The following KIAA0232 variants were observed in gnomAD, a reference collection of about 807,000 sequenced individuals.
KIAA0232 encodes KIAA0232.
Under a neutral mutation model 122.0 loss-of-function variants are expected in KIAA0232, and 27 were observed. That is an observed-to-expected ratio of 0.22 (90% CI 0.16 to 0.31). The LOEUF (loss-of-function observed/expected upper bound fraction) is 0.31. Among genes scored for constraint, KIAA0232 ranks in the 10% least tolerant of loss-of-function variants. KIAA0232 has a pLI of 1.00. For synonymous variants in KIAA0232, 613 were observed against 587.6 expected (o/e 1.04, Z -0.63); for missense variants, 1,551 against 1,634.2 (o/e 0.95, Z 0.88).
intron 4 of KIAA0232, among the ~76,000 whole-genome samples, chr4:6,848,996 T>C (rs1720126480): frequency 6.6e-6 from 1 of 152,216 alleles, no homozygotes; most frequent in African/African-American, 2.4e-5. Flanking sequence ...CGGGCCATGC[T>C]AGGGACTTGG....
At chr4:6,849,015 C>T (rs1391996852) in intron 4 of KIAA0232, among the ~76,000 whole-genome samples, 1 of 152,282 alleles carries the variant, frequency 6.6e-6, no homozygotes, top group South Asian at 2.1e-4. Flanking sequence ...GGGCTTTTCC[C>T]CTGAGCAGCT....
chr4:6,880,766 T>G, intron 9 of KIAA0232, 21 bp from the exon 10 acceptor site: 1 of 1,488,316 alleles, frequency 6.7e-7, no homozygotes, highest in South Asian at 1.4e-5. Flanking sequence ...TTTGATGTGT[T>G]GAAAATTGTT....
At chr4:6,794,285 C>T (rs572399827) in intron 1 of KIAA0232, among the ~76,000 whole-genome samples, 1 of 152,246 alleles carries the variant, frequency 6.6e-6, no homozygotes, top group African/African-American at 2.4e-5. Flanking sequence ...AGTCTGTTAT[C>T]CCTTTCGGAT....
At chr4:6,858,202 G>T (rs1337877544) in intron 5 of KIAA0232, among the ~76,000 whole-genome samples, 1 of 152,182 alleles carries the variant, frequency 6.6e-6, no homozygotes, top group African/African-American at 2.4e-5. Context: ...GTGACGAGAT[G>T]AACAACTCTC....
At chr4:6,807,082 T>TATCTATCTATC (rs1560166887) in intron 2 of KIAA0232, among the ~76,000 whole-genome samples, 1 of 131,110 alleles carries the variant, frequency 7.6e-6, no homozygotes, top group African/African-American at 3.2e-5. Context: ...ATCTATCTAT[T>TATCTATCTATC]TAAGACAGGG....
rs1220576992 is a variant in KIAA0232, at chr4:6,857,201, C to T, written c.407C>T (p.Ser136Phe). Reference sequence around the variant, plus strand: ...GAGACTTTAGTGGAGGAGCTCTGCTCCAGACTGAAAGACCTTCAGAGTAAG... The same window carrying T: ...GAGACTTTAGTGGAGGAGCTCTGCTTCAGACTGAAAGACCTTCAGAGTAAG... The part of the protein sequence containing the change: ...GIETLVEELC[S>F]RLKDLQSKQE... The change falls in exon 5 of 10, where the codon TCC (serine) becomes TTC (phenylalanine). Residue 136 changes from serine to phenylalanine, a missense_variant. Ser to Phe is a radical substitution (Grantham distance 155). This residue lies in a region of KIAA0232 where 377 missense variants were observed against 381.7 expected (regional missense o/e 0.99). Transcript: ENST00000307659. 2 of 1,610,906 alleles carry T rather than the reference C, an allele frequency of 1.2e-6. No homozygotes were observed. Among genetic ancestry groups the T allele is most frequent in the Non-Finnish European group, 8.5e-7 (1 of 1,178,562 alleles).
chr4:6,824,156 A>T (rs1046009075), intron 2 of KIAA0232, 29 bp from the exon 3 acceptor site: 3 of 495,490 alleles, frequency 6.1e-6, no homozygotes, highest in Non-Finnish European at 1.1e-5. Flanking sequence ...TATATAATGC[A>T]TACTTTTTTT....
chr4:6,861,718 C>T lies in KIAA0232; in HGVS notation c.1336C>T (p.His446Tyr), dbSNP rs1202308867. 1.9e-6 allele frequency: 3 copies of T among 1,614,146 alleles called. No homozygotes were observed. Among genetic ancestry groups the T allele is most frequent in the East Asian group, 2.2e-5 (1 of 44,884 alleles). The change falls in exon 7 of 10, where the codon CAT becomes TAT. Residue 446 changes from histidine (H) to tyrosine (Y), a missense_variant. By Grantham distance (83) the His-to-Tyr change is moderately conservative. Coordinates refer to ENST00000307659, the MANE Select transcript of KIAA0232 (RefSeq NM_014743.3). ...EAVEELSESVHGLCISNNNLH... is the reference protein window; with the variant it reads ...EAVEELSESVYGLCISNNNLH... ...AGTGGAAGAATTGTCTGAATCAGTG[C>T]ATGGTCTTTGTATCAGCAACAATAA...
chr4:6,818,237 C>G (rs929900128), intron 2 of KIAA0232, among the ~76,000 whole-genome samples: 3 of 151,714 alleles, frequency 2.0e-5, no homozygotes, highest in African/African-American at 7.3e-5. Context: ...CCCGTCTCTA[C>G]TAAAAATACA....
chr4:6,801,910 C>CAA (rs1391600077), intron 1 of KIAA0232, among the ~76,000 whole-genome samples: 1 of 152,120 alleles, frequency 6.6e-6, no homozygotes, highest in Non-Finnish European at 1.5e-5. Flanking sequence ...GCCACCATTA[C>CAA]CTTCCAGATA....
chr4:6,800,958 T>G (rs187309785), intron 1 of KIAA0232, among the ~76,000 whole-genome samples: 7 of 152,290 alleles, frequency 4.6e-5, no homozygotes, highest in African/African-American at 1.7e-4. Flanking sequence ...TAACATGGAA[T>G]GTAGTGGGAA....
chr4:6,858,619 T>C (rs1720687289), intron 6 of KIAA0232, 113 bp downstream of exon 6: 1 of 652,964 alleles, frequency 1.5e-6, no homozygotes, highest in Non-Finnish European at 2.6e-6. Flanking sequence ...TTATATATAA[T>C]GTAAGAAACA....
intron 4 of KIAA0232, among the ~76,000 whole-genome samples, chr4:6,850,672 C>CTTT (rs373194091): frequency 7.1e-6 from 1 of 139,882 alleles, no homozygotes; most frequent in Non-Finnish European, 1.6e-5. Flanking sequence ...AAGGAACATT[C>CTTT]TTTTTTTTTT....
chr4:6,784,937 A>G (rs1035836288), intron 1 of KIAA0232, among the ~76,000 whole-genome samples: 2 of 135,530 alleles, frequency 1.5e-5, no homozygotes, highest in Non-Finnish European at 3.1e-5. Flanking sequence ...GATCAGATGA[A>G]TTTTTTTTTT....
chr4:6,818,971 C>G (rs1217092917), intron 2 of KIAA0232, among the ~76,000 whole-genome samples: 5 of 152,034 alleles, frequency 3.3e-5, no homozygotes, highest in East Asian at 1.9e-4. Flanking sequence ...AAATAAGCAA[C>G]AGGAAAAGGA....
intron 2 of KIAA0232, among the ~76,000 whole-genome samples, chr4:6,823,192 G>A (rs965364621): frequency 2.6e-5 from 4 of 151,528 alleles, no homozygotes; most frequent in Non-Finnish European, 5.9e-5. Flanking sequence ...TGGACATTTG[G>A]GTTGGTTCCA....
chr4:6,848,134 A>G (rs975242969), intron 4 of KIAA0232, among the ~76,000 whole-genome samples: 1 of 152,240 alleles, frequency 6.6e-6, no homozygotes, highest in East Asian at 1.9e-4. Context: ...CTTACACCCT[A>G]AGTAGAGTAG....
intron 3 of KIAA0232, among the ~76,000 whole-genome samples, chr4:6,831,986 T>C (rs1719010671): frequency 6.6e-6 from 1 of 152,238 alleles, no homozygotes; most frequent in South Asian, 2.1e-4. Flanking sequence ...GCACTCACTG[T>C]CTTCTCAATG....
At chr4:6,825,858 G>T (rs1043144867) in intron 3 of KIAA0232, among the ~76,000 whole-genome samples, 5 of 152,148 alleles carry the variant, frequency 3.3e-5, no homozygotes, top group Admixed American at 3.3e-4. Context: ...AGCAGGAAGG[G>T]TTTCATTGTC....
Sources: gnomAD v4.1 joint callset for allele counts (sites outside exome capture counted in the v4.1 genomes callset) on GRCh38, gnomAD v4.1.1 for gene constraint, gnomAD v4.1.1 regional missense constraint, MANE v1.5 for transcripts, NCBI Gene and HGNC (gene_info 2026-07-23, HGNC 2026-07-21) for gene names.